GIP: variants seen among roughly 807,000 people sequenced by gnomAD.
GIP encodes the protein glucose-dependent insulinotropic polypeptide.
Under a neutral mutation model 18.1 loss-of-function variants are expected in GIP, and 16 were observed. The ratio of observed to expected loss-of-function variants is 0.88; its 90% CI spans 0.60 to 1.34. The LOEUF is 1.34. Among genes scored for constraint, GIP ranks in the 40% most tolerant of loss-of-function variants. The pLI is 0.00. For missense variants in GIP, 192 were observed against 183.4 expected, an observed-to-expected ratio of 1.05 and a Z score of -0.27; for synonymous variants, 76 against 74.0, an observed-to-expected ratio of 1.03 and a Z score of -0.14.
chr17:48,966,189 G>A lies in GIP; in HGVS notation c.86+958C>T, dbSNP rs943556591. Among the ~76,000 whole-genome samples the A allele has an allele frequency of 7.3e-5, 11 of 150,740 alleles. No individual in the cohort carries two copies. In the East Asian group the frequency reaches 7.8e-4, roughly 11 times the overall value. ...AGAGAATTGCTTGAACCCGGGAGGC[G>A]GAGGTTGCAGTGAGCCAAGATCGCG... On this transcript the variant is annotated intron_variant, in intron 2 of 5. Coordinates refer to ENST00000357424, the MANE Select transcript of GIP (RefSeq NM_004123.3).
chr17:48,967,680 C>T (rs1343306417), intron 1 of GIP, among the ~76,000 whole-genome samples: 1 of 151,702 alleles, frequency 6.6e-6, no homozygotes, highest in East Asian at 2.0e-4. Flanking sequence ...TTCTAAGAGC[C>T]TGGGGCAACA....
chr17:48,966,711 A>T (rs1160564732), intron 2 of GIP, among the ~76,000 whole-genome samples: 1 of 151,854 alleles, frequency 6.6e-6, no homozygotes, highest in African/African-American at 2.4e-5. Flanking sequence ...GGAGGCTGAG[A>T]TGGGAAGATG....
chr17:48,958,823 A>T, intron 5 of GIP, 107 bp from the exon 6 acceptor site: 1 of 689,660 alleles, frequency 1.4e-6, no homozygotes. Context: ...CCTTCAAATC[A>T]CCTTTTTAAA....
chr17:48,962,505 A>G (rs2041206048), intron 3 of GIP, among the ~76,000 whole-genome samples: 1 of 152,072 alleles, frequency 6.6e-6, no homozygotes, highest in Non-Finnish European at 1.5e-5. Context: ...AGTAGCTGGA[A>G]TTACAGGCAC....
chr17:48,964,030 GTT>G (rs1273191896), intron 3 of GIP, among the ~76,000 whole-genome samples: 1 of 148,988 alleles, frequency 6.7e-6, no homozygotes, highest in Non-Finnish European at 1.5e-5. Flanking sequence ...CATGGTGGCA[GTT>G]GCCTGTAGTC....
chr17:48,964,177 A>AAT, intron 3 of GIP, 133 bp downstream of exon 3: 2 of 554,162 alleles, frequency 3.6e-6, no homozygotes, highest in Non-Finnish European at 6.3e-6. Context: ...AAAAAAAAAA[A>AAT]GAAAAGAAAA....
chr17:48,961,673 TGGGGGCG>T, intron 4 of GIP, 47 bp downstream of exon 4: 3 of 1,104,848 alleles, frequency 2.7e-6, no homozygotes, highest in Non-Finnish European at 2.7e-6. Context: ...AACAAAGAGG[TGGGGGCG>T]GGGCAGGAGG....
chr17:48,966,530 C>G (rs1303059156), intron 2 of GIP, among the ~76,000 whole-genome samples: 2 of 150,992 alleles, frequency 1.3e-5, no homozygotes, highest in African/African-American at 4.9e-5. Flanking sequence ...ACACTCCAGC[C>G]TAGGTGACAG....
Position 48,964,388 on chromosome 17 carries a change from T to G in GIP, c.179A>C (p.Asp60Ala), listed in dbSNP as rs781109564. 6.2e-7 allele frequency: 1 copy of G among 1,613,732 alleles called. No homozygotes were observed. The highest frequency in any genetic ancestry group is 8.5e-7 in the Non-Finnish European group (1 of 1,179,742). Reference protein sequence around the residue: ...PRYAEGTFISDYSIAMDKIHQ... With the variant: ...PRYAEGTFISAYSIAMDKIHQ... ...AATCTTGTCCATGGCAATACTGTAG[T>G]CACTGATGAAAGTCCCTTCCGCGTA... Residue 60 changes from aspartate to alanine, a missense_variant, in exon 3 of 6, where the codon GAC (aspartate) becomes GCC (alanine). By Grantham distance (126) the Asp-to-Ala change is moderately radical (BLOSUM62 -2). Transcript: ENST00000357424.
intron 2 of GIP, 130 bp downstream of exon 2, chr17:48,967,017 T>G (rs1598105558): frequency 1.5e-6 from 1 of 666,136 alleles, no homozygotes; most frequent in African/African-American, 1.8e-5. Flanking sequence ...TGCCGGCAGG[T>G]ATTTCCCTGG....
intron 3 of GIP, among the ~76,000 whole-genome samples, chr17:48,963,012 C>CA (rs2143848385): frequency 6.6e-6 from 1 of 151,982 alleles, no homozygotes; most frequent in Admixed American, 6.6e-5. Flanking sequence ...GAGGCTGAGG[C>CA]AGGAGAATGA....
At chr17:48,961,697 T>G in intron 4 of GIP, 30 bp downstream of exon 4, 1 of 1,424,008 alleles carries the variant, frequency 7.0e-7, no homozygotes, top group Non-Finnish European at 9.9e-7. Context: ...GAGGCTTGGC[T>G]CCCTCCCTTC....
chr17:48,965,404 A>G (rs1426481829), intron 2 of GIP, among the ~76,000 whole-genome samples: 1 of 149,522 alleles, frequency 6.7e-6, no homozygotes, highest in Non-Finnish European at 1.5e-5. Context: ...GGAGATTGAG[A>G]CCATCCTGGC....
intron 3 of GIP, among the ~76,000 whole-genome samples, chr17:48,963,183 G>T (rs935369946): frequency 1.3e-5 from 2 of 151,982 alleles, no homozygotes; most frequent in Admixed American, 6.6e-5. Context: ...CCAAGTCAGG[G>T]TCCTGGCCAG....
intron 5 of GIP, among the ~76,000 whole-genome samples, chr17:48,958,932 G>C (rs67763067): frequency 6.7e-6 from 1 of 148,904 alleles, no homozygotes; most frequent in Non-Finnish European, 1.5e-5. Context: ...TCGGCTCACC[G>C]CAAGCTCCAC....
intron 2 of GIP, 50 bp downstream of exon 2, chr17:48,967,097 C>T (rs780079371): frequency 7.5e-7 from 1 of 1,339,012 alleles, no homozygotes; most frequent in Non-Finnish European, 1.1e-6. Context: ...CAGAACCTGT[C>T]ATCCCCTAAC....
intron 3 of GIP, 74 bp from the exon 4 acceptor site, chr17:48,961,893 C>G: frequency 1.0e-6 from 1 of 998,102 alleles, no homozygotes; most frequent in South Asian, 1.4e-5. Flanking sequence ...CTTTTAATAT[C>G]TGAACCCCAA....
rs2041222426 is a variant in GIP at position 48,964,447 on chromosome 17, A to G, written c.120T>C (p.Ala40=). The G allele has an allele frequency of 6.2e-7, 1 of 1,613,982 alleles. No homozygotes were observed. The highest frequency in any genetic ancestry group is 1.1e-5 in the South Asian group (1 of 91,080). ...CTCGAGGTTGAGGGCTGCTCACCTTAGCATGAGATCCAACAGGCAGGGAGG... is the reference window on the plus strand; with the variant it reads ...CTCGAGGTTGAGGGCTGCTCACCTTGGCATGAGATCCAACAGGCAGGGAGG... ...ALPSLPVGSH[A]KVSSPQPRGP... Residue 40 remains alanine (A), a synonymous_variant, in exon 3 of 6, where the codon GCT becomes GCC. Coordinates refer to ENST00000357424, the MANE Select transcript of GIP (RefSeq NM_004123.3).
chr17:48,967,360 T>A, intron 1 of GIP, 107 bp from the exon 2 acceptor site: 4 of 40,782 alleles, frequency 9.8e-5, no homozygotes, highest in East Asian at 6.5e-4. Flanking sequence ...TTCCTTTTTC[T>A]TTTTTTTTTT....
Sources: allele counts gnomAD v4.1 joint callset (sites outside exome capture counted in the v4.1 genomes callset), GRCh38; gene constraint gnomAD v4.1.1; transcripts MANE v1.5; gene names NCBI Gene and HGNC (gene_info 2026-07-23, HGNC 2026-07-21).